The following C1QTNF3 variants were observed in gnomAD, a reference collection of about 807,000 sequenced individuals.
C1QTNF3 encodes C1q and TNF related 3, also known as complement C1q tumor necrosis factor-related protein 3.
C1QTNF3 carries 26 observed loss-of-function variants against 32.6 expected under a neutral mutation model. The observed-to-expected ratio is 0.80, with a 90% CI of 0.58 to 1.11. C1QTNF3 has a LOEUF of 1.11. Among genes scored for constraint, C1QTNF3 ranks in the 50% least tolerant of loss-of-function variants. The probability of loss-of-function intolerance (pLI) is 0.00; values close to 1 mark genes in which losing one functional copy is unlikely to be tolerated. For missense variants in C1QTNF3, 362 were observed against 398.2 expected (o/e 0.91, Z 0.77); for synonymous variants, 155 against 146.0 (o/e 1.06, Z -0.44).
the C1QTNF3 span, among the ~76,000 whole-genome samples, chr5:34,230,448 C>T: frequency 6.6e-6 from 1 of 152,042 alleles, no homozygotes; most frequent in African/African-American, 2.4e-5. Flanking sequence ...TGATATGCCC[C>T]AGGGTCCATC....
chr5:34,218,427 A>C, the C1QTNF3 span: 20 of 151,114 alleles, frequency 1.3e-4, no homozygotes, highest in Non-Finnish European at 2.7e-4. Flanking sequence ...CATTGTGTGG[A>C]GTGCAGGCCA....
the C1QTNF3 span, among the ~76,000 whole-genome samples, chr5:34,223,057 T>G: frequency 1.6e-4 from 25 of 151,938 alleles, no homozygotes; most frequent in Admixed American, 3.9e-4. Context: ...TTAGGGTACA[T>G]GTGCACAATG....
chr5:34,179,549 G>A, the C1QTNF3 span, among the ~76,000 whole-genome samples: 1 of 152,044 alleles, frequency 6.6e-6, no homozygotes, highest in Non-Finnish European at 1.5e-5. Context: ...ACAAAGCACA[G>A]AGCCGCTGCT....
the C1QTNF3 span, among the ~76,000 whole-genome samples, chr5:34,079,803 A>T: frequency 6.6e-6 from 1 of 151,712 alleles, no homozygotes; most frequent in Non-Finnish European, 1.5e-5. Flanking sequence ...GTGCCAGTCA[A>T]AGGGTACAAA....
At chr5:34,069,590 G>A in the C1QTNF3 span, among the ~76,000 whole-genome samples, 3 of 152,088 alleles carry the variant, frequency 2.0e-5, no homozygotes, top group Non-Finnish European at 4.4e-5. Context: ...TTAAGTAATA[G>A]TTTAAAATAC....
At chr5:34,145,171 C>T in the C1QTNF3 span, among the ~76,000 whole-genome samples, 10 of 151,962 alleles carry the variant, frequency 6.6e-5, no homozygotes, top group Admixed American at 2.0e-4. Context: ...TAGAGAAGAA[C>T]TATATGTAAT....
At chr5:34,114,518 TG>T in the C1QTNF3 span, among the ~76,000 whole-genome samples, 1 of 152,204 alleles carries the variant, frequency 6.6e-6, no homozygotes, top group African/African-American at 2.4e-5. Flanking sequence ...TAAATTTTTC[TG>T]GGACTTATAT....
the C1QTNF3 span, among the ~76,000 whole-genome samples, chr5:34,231,499 T>A: frequency 6.6e-6 from 1 of 152,216 alleles, no homozygotes; most frequent in South Asian, 2.1e-4. Flanking sequence ...AGCATACAAC[T>A]GTTTGGTTAG....
the C1QTNF3 span, among the ~76,000 whole-genome samples, chr5:34,232,927 C>T: frequency 7.3e-6 from 1 of 137,694 alleles, no homozygotes; most frequent in African/African-American, 2.6e-5. Context: ...ACTTTGATGA[C>T]TTTCATTACA....
the C1QTNF3 span, among the ~76,000 whole-genome samples, chr5:34,079,003 A>C: frequency 6.6e-6 from 1 of 151,352 alleles, no homozygotes; most frequent in African/African-American, 2.5e-5. Context: ...CACTCTAACA[A>C]CACTTGGTTT....
the C1QTNF3 span, among the ~76,000 whole-genome samples, chr5:34,121,763 T>A: frequency 3.3e-5 from 5 of 152,256 alleles, no homozygotes; most frequent in Admixed American, 3.3e-4. Context: ...GAAACTCTAA[T>A]CCCCAAAATG....
the C1QTNF3 span, among the ~76,000 whole-genome samples, chr5:34,169,838 A>G: frequency 3.3e-5 from 5 of 152,312 alleles, no homozygotes; most frequent in Admixed American, 2.0e-4. Context: ...TTGAGAATGT[A>G]CAATGATACA....
chr5:34,074,809 C>T, the C1QTNF3 span, among the ~76,000 whole-genome samples: 10 of 149,562 alleles, frequency 6.7e-5, no homozygotes, highest in South Asian at 2.1e-4. Context: ...CTAATCCGTT[C>T]GAGATATTGA....
At chr5:34,155,283 C>T in the C1QTNF3 span, among the ~76,000 whole-genome samples, 1 of 152,158 alleles carries the variant, frequency 6.6e-6, no homozygotes, top group Non-Finnish European at 1.5e-5. Flanking sequence ...TGTTATTTGA[C>T]CGAGGCAGTT....
chr5:34,059,105 C>T, the C1QTNF3 span, among the ~76,000 whole-genome samples: 57 of 152,324 alleles, frequency 3.7e-4, no homozygotes, highest in Non-Finnish European at 5.4e-4. Flanking sequence ...GCTGCTGTAA[C>T]AAAGTATGAC....
chr5:34,033,904 G>A (rs1409884713), intron 2 of C1QTNF3, among the ~76,000 whole-genome samples: 3 of 152,238 alleles, frequency 2.0e-5, no homozygotes, highest in Non-Finnish European at 4.4e-5. Context: ...GCTCACAACT[G>A]TAATCTCAAC....
chr5:34,043,025 T>C lies in C1QTNF3; in HGVS notation c.101A>G (p.Asn34Ser). 2 of 1,614,198 alleles carry C rather than the reference T, an allele frequency of 1.2e-6. No individual in the cohort carries two copies. Among genetic ancestry groups the C allele is most frequent in the South Asian group, 2.2e-5 (2 of 91,088 alleles). The change falls in exon 1 of 6, where the codon AAT becomes AGT. Residue 34 changes from asparagine to serine, a missense_variant. Asn to Ser is a conservative substitution (Grantham distance 46). Transcript: ENST00000382065. ...DEYMEVSGRT[N>S]KVVARIVQSH... ...TTGCACTATTCTTGCCACCACTTTA[T>C]TAGTTCTTCCGCTCACCTCCATGTA...
intron 4 of C1QTNF3, 100 bp downstream of exon 4, chr5:34,028,654 C>T: frequency 2.9e-6 from 3 of 1,050,608 alleles, no homozygotes; most frequent in South Asian, 2.5e-5. Flanking sequence ...CTTTCTCTCC[C>T]TCCCTTTCTC....
At chr5:34,072,121 G>A in the C1QTNF3 span, among the ~76,000 whole-genome samples, 1 of 152,000 alleles carries the variant, frequency 6.6e-6, no homozygotes, top group Non-Finnish European at 1.5e-5. Flanking sequence ...CAAGTAAACG[G>A]AGAATGATAG....
Sources: gnomAD v4.1 joint callset for allele counts (sites outside exome capture counted in the v4.1 genomes callset) on GRCh38, gnomAD v4.1.1 for gene constraint, MANE v1.5 for transcripts, NCBI Gene and HGNC (gene_info 2026-07-23, HGNC 2026-07-21) for gene names.